The following CD84 variants were observed in gnomAD, a reference collection of about 807,000 sequenced individuals.
CD84 encodes CD84 molecule, also known as SLAM family member 5.
In CD84, 22 loss-of-function variants were observed where a neutral mutation model predicts 33.8. The observed-to-expected ratio is 0.65, with a 90% confidence interval of 0.46 to 0.93. CD84 has a LOEUF of 0.93. Among genes scored for constraint, CD84 ranks in the 40% least tolerant of loss-of-function variants. CD84 has a pLI of 0.00. For synonymous variants in CD84, 154 were observed against 145.2 expected (o/e 1.06, Z -0.44); for missense variants, 400 against 397.6 (o/e 1.01, Z -0.05).
At chr1:160,566,310 C>A (rs942183259) in intron 1 of CD84, among the ~76,000 whole-genome samples, 1 of 152,164 alleles carries the variant, frequency 6.6e-6, no homozygotes, top group Non-Finnish European at 1.5e-5. Flanking sequence ...TTTCTGTTTA[C>A]TTCCATATTC....
intron 4 of CD84, among the ~76,000 whole-genome samples, chr1:160,552,317 G>A (rs762411411): frequency 3.9e-5 from 6 of 152,108 alleles, no homozygotes; most frequent in Non-Finnish European, 7.3e-5. Context: ...CCCATTGTGA[G>A]GCCATTTGAG....
chr1:160,544,773 G>A lies in CD84; in HGVS notation c.*3483C>T, dbSNP rs1346732320. The A allele has an allele frequency of 1.3e-5, 2 of 152,148 alleles. No individual in the cohort carries two copies. Among genetic ancestry groups the A allele is most frequent in the South Asian group, 4.1e-4 (2 of 4,824 alleles). 9.4% of individuals were successfully genotyped at this position (152,148 alleles called of 1,614,324 possible). A position where few individuals can be genotyped will look rare whatever the true frequency, so the allele number is the denominator to read the frequency against. On this transcript the variant is annotated 3_prime_UTR_variant, in exon 7 of 7. Coordinates refer to ENST00000368054, the MANE Select transcript of CD84 (RefSeq NM_003874.4). ...TTCACTTTCTTCTTCTAAGAATCAT[G>A]AGCTGCAACATTCCTCATTTTCTCA...
At chr1:160,552,831 G>GA in intron 4 of CD84, 4 of 895,514 alleles carry the variant, frequency 4.5e-6, no homozygotes, top group Non-Finnish European at 7.3e-6. Flanking sequence ...TTCTTGGGTG[G>GA]ACATGGGATG....
intron 4 of CD84, among the ~76,000 whole-genome samples, chr1:160,552,333 C>G (rs572593483): frequency 6.6e-6 from 1 of 152,288 alleles, no homozygotes; most frequent in Non-Finnish European, 1.5e-5. Flanking sequence ...TTGAGTATGG[C>G]ACACGTCACA....
chr1:160,569,556 ACG>A (rs1657564595), intron 1 of CD84, among the ~76,000 whole-genome samples: 2 of 151,882 alleles, frequency 1.3e-5, no homozygotes, highest in Non-Finnish European at 2.9e-5. Flanking sequence ...GCACGCACGC[ACG>A]CACACACACA....
chr1:160,571,447 A>T (rs1364154104), intron 1 of CD84: 1 of 152,148 alleles, frequency 6.6e-6, no homozygotes, highest in Non-Finnish European at 1.5e-5. Context: ...AAGACTGAAA[A>T]TGGCCCTGGG....
chr1:160,568,493 G>A (rs1657463690), intron 1 of CD84, among the ~76,000 whole-genome samples: 1 of 152,166 alleles, frequency 6.6e-6, no homozygotes. Context: ...CTCCAACTGT[G>A]CTCTGAGAGA....
chr1:160,574,277 A>T (rs1444081865), intron 1 of CD84, among the ~76,000 whole-genome samples: 1 of 152,136 alleles, frequency 6.6e-6, no homozygotes, highest in Non-Finnish European at 1.5e-5. Flanking sequence ...ATTTAAACTG[A>T]TTATTAACAA....
chr1:160,575,359 G>A (rs371888606), intron 1 of CD84, among the ~76,000 whole-genome samples: 8 of 152,034 alleles, frequency 5.3e-5, no homozygotes, highest in Non-Finnish European at 7.4e-5. Context: ...CCAAAGCGAC[G>A]GAAAGTCCTT....
intron 2 of CD84, among the ~76,000 whole-genome samples, chr1:160,555,602 A>T (rs1214974059): frequency 1.3e-5 from 2 of 152,216 alleles, no homozygotes; most frequent in Non-Finnish European, 2.9e-5. Context: ...TGGAGCTGGC[A>T]TGGGGAAGCG....
At chr1:160,572,579 G>A (rs189607340) in intron 1 of CD84, among the ~76,000 whole-genome samples, 8 of 152,020 alleles carry the variant, frequency 5.3e-5, no homozygotes, top group African/African-American at 1.9e-4. Flanking sequence ...TAAAAATTGG[G>A]GGGGGGAATG....
chr1:160,557,371 C>T (rs917164994), intron 2 of CD84, among the ~76,000 whole-genome samples: 10 of 152,312 alleles, frequency 6.6e-5, no homozygotes, highest in Non-Finnish European at 1.5e-4. Context: ...TCAACAAATA[C>T]TTCTGGAGCA....
rs2102099852 is a variant in CD84, at chr1:160,542,372, A to T, written c.*5884T>A. Reference sequence around the variant, plus strand: ...GATTATGGTGGATCATTAGCATAGGAAAAACACAAGGAAAGCAAGTTGGGA... The same window carrying T: ...GATTATGGTGGATCATTAGCATAGGTAAAACACAAGGAAAGCAAGTTGGGA... On this transcript the variant is annotated 3_prime_UTR_variant, in exon 7 of 7. Coordinates refer to ENST00000368054, the MANE Select transcript of CD84 (RefSeq NM_003874.4). 1 of 152,324 alleles carries T rather than the reference A, an allele frequency of 6.6e-6. No homozygotes were observed. The highest frequency in any genetic ancestry group is 6.5e-5 in the Admixed American group (1 of 15,298). The allele number at this position is 152,324 out of a possible 1,614,324, so 9.4% of individuals were successfully genotyped here.
intron 1 of CD84, among the ~76,000 whole-genome samples, chr1:160,575,235 C>A (rs764865046): frequency 3.7e-4 from 56 of 152,052 alleles, no homozygotes; most frequent in Non-Finnish European, 1.2e-4. Flanking sequence ...CCAGAGGTAG[C>A]TTTAGCATGT....
rs1553230402 is a variant in CD84, at chr1:160,543,602, T to TTATTTATTATTA, written c.*4653_*4654insTAATAATAAATA. ...ATCTTCAAGGAGCTCTCCATTATTA[T>TTATTTATTATTA]TTATTATTATTATTATTATTATTAT... On this transcript the variant is annotated 3_prime_UTR_variant, in exon 7 of 7. Coordinates refer to ENST00000368054, the MANE Select transcript of CD84 (RefSeq NM_003874.4). The TTATTTATTATTA allele has an allele frequency of 2.1e-5, 3 of 142,702 alleles. No individual in the cohort carries two copies. The highest frequency in any genetic ancestry group is 7.0e-5 in the Admixed American group (1 of 14,226). The allele number at this position is 142,702 out of a possible 1,614,324, so 8.8% of individuals were successfully genotyped here. A position where few individuals can be genotyped will look rare whatever the true frequency, so the allele number is the denominator to read the frequency against.
chr1:160,579,282 A>G, intron 1 of CD84, 110 bp downstream of exon 1: 6 of 1,463,420 alleles, frequency 4.1e-6, no homozygotes, highest in Non-Finnish European at 5.7e-6. Flanking sequence ...ACTGAGACCC[A>G]GGGTGTTCTG....
chr1:160,567,685 C>T (rs1657416438), intron 1 of CD84, among the ~76,000 whole-genome samples: 4 of 152,088 alleles, frequency 2.6e-5, no homozygotes, highest in Admixed American at 2.0e-4. Context: ...ATGGTAAAAG[C>T]AATAGAAATA....
rs1655738026 is a variant in CD84 at position 160,544,931 on chromosome 1, C to T, written c.*3325G>A. Reference sequence around the variant, plus strand: ...TTTTTAAAAACTGGCACACTTTGGTCTGATACAAGATCCTGTTCCATGATG... The same window carrying T: ...TTTTTAAAAACTGGCACACTTTGGTTTGATACAAGATCCTGTTCCATGATG... On this transcript the variant is annotated 3_prime_UTR_variant, in exon 7 of 7. Transcript: ENST00000368054. The T allele has an allele frequency of 6.6e-6, 1 of 152,206 alleles. No individual in the cohort carries two copies. The highest frequency in any genetic ancestry group is 6.5e-5 in the Admixed American group (1 of 15,282). The allele number at this position is 152,206 out of a possible 1,614,324, so 9.4% of individuals were successfully genotyped here.
chr1:160,541,099 G>A lies in CD84; in HGVS notation c.*7157C>T, dbSNP rs1655521330. 1 of 152,128 alleles carries A rather than the reference G, an allele frequency of 6.6e-6. No homozygotes were observed. The highest frequency in any genetic ancestry group is 2.4e-5 in the African/African-American group (1 of 41,412). The allele number at this position is 152,128 out of a possible 1,614,324, so 9.4% of individuals were successfully genotyped here. ...AAACAAAGTAAAACACAAAATAGAT[G>A]CATTATAAAATAATATTTATTGTGT... On this transcript the variant is annotated 3_prime_UTR_variant, in exon 7 of 7. Coordinates refer to ENST00000368054, the MANE Select transcript of CD84 (RefSeq NM_003874.4).
Sources: allele counts gnomAD v4.1 joint callset (sites outside exome capture counted in the v4.1 genomes callset), GRCh38; gene constraint gnomAD v4.1.1; transcripts MANE v1.5; gene names NCBI Gene and HGNC (gene_info 2026-07-23, HGNC 2026-07-21).